The following LRMDA variants were observed in gnomAD, a reference collection of about 807,000 sequenced individuals.
The protein encoded by LRMDA is leucine rich melanocyte differentiation associated, also known as leucine-rich melanocyte differentiation-associated protein.
In LRMDA, 18 loss-of-function variants were observed where a neutral mutation model predicts 29.8. That is an observed-to-expected ratio of 0.60 (90% CI 0.42 to 0.90). The LOEUF is 0.90. Among genes scored for constraint, LRMDA ranks in the 40% least tolerant of loss-of-function variants. The pLI, the probability that LRMDA is intolerant of heterozygous loss-of-function variation, is 0.00. For synonymous variants in LRMDA, 125 were observed against 109.4 expected (o/e 1.14, Z -0.89); for missense variants, 273 against 273.9 (o/e 1.00, Z 0.02).
At chr10:75,686,318 C>T (rs189167033) in intron 2 of LRMDA, among the ~76,000 whole-genome samples, 2 of 152,172 alleles carry the variant, frequency 1.3e-5, no homozygotes, top group Non-Finnish European at 2.9e-5. Flanking sequence ...GCATTCTTTG[C>T]CTGGCCTTCT....
intron 2 of LRMDA, among the ~76,000 whole-genome samples, chr10:75,635,792 A>ATT (rs56892988): frequency 7.0e-6 from 1 of 143,610 alleles, no homozygotes. Flanking sequence ...TTTCCTTGCT[A>ATT]TTTTTTTTTT....
At chr10:75,682,309 A>C (rs1842032393) in intron 2 of LRMDA, among the ~76,000 whole-genome samples, 1 of 152,218 alleles carries the variant, frequency 6.6e-6, no homozygotes, top group Non-Finnish European at 1.5e-5. Flanking sequence ...GAATGAATGA[A>C]CAATGAATGG....
intron 5 of LRMDA, among the ~76,000 whole-genome samples, chr10:76,184,472 G>A (rs1403118399): frequency 6.6e-6 from 1 of 152,196 alleles, no homozygotes; most frequent in Non-Finnish European, 1.5e-5. Flanking sequence ...AAATGTGTCC[G>A]ACACAGCAGT....
chr10:75,474,858 C>A (rs868727299), intron 2 of LRMDA, among the ~76,000 whole-genome samples: 1 of 152,150 alleles, frequency 6.6e-6, no homozygotes, highest in African/African-American at 2.4e-5. Flanking sequence ...CCTGAAGACC[C>A]CTGCTAGTGT....
chr10:76,330,469 T>A (rs2132405999), intron 6 of LRMDA, among the ~76,000 whole-genome samples: 1 of 152,298 alleles, frequency 6.6e-6, no homozygotes, highest in South Asian at 2.1e-4. Context: ...GACAGAACCC[T>A]CTGAAATGAG....
intron 6 of LRMDA, among the ~76,000 whole-genome samples, chr10:76,327,201 C>T (rs1033447872): frequency 6.6e-6 from 1 of 151,462 alleles, no homozygotes; most frequent in Non-Finnish European, 1.5e-5. Context: ...AAGCGATTCT[C>T]CTGCCTCAGC....
chr10:76,043,431 G>A (rs1848374075), intron 3 of LRMDA, among the ~76,000 whole-genome samples: 1 of 152,100 alleles, frequency 6.6e-6, no homozygotes, highest in Non-Finnish European at 1.5e-5. Flanking sequence ...GTACCCTTAG[G>A]TGGGGATTCC....
rs1589325492 is a variant in LRMDA at position 76,097,286 on chromosome 10, C to T, written c.516+38503C>T. 2.0e-5 allele frequency among the ~76,000 whole-genome samples: 3 copies of T among 152,222 alleles called. No homozygotes were observed. In the South Asian group the frequency reaches 6.2e-4, roughly 32 times the overall value. ...TCAGCCTCCCAAAGTGCTGGGATTA[C>T]AGGCGTGAGCCACCGTGCCCGGCTT... On this transcript the variant is annotated intron_variant, in intron 5 of 6. Transcript: ENST00000611255.
intron 5 of LRMDA, among the ~76,000 whole-genome samples, chr10:76,079,599 T>A (rs1849018614): frequency 6.6e-6 from 1 of 152,028 alleles, no homozygotes; most frequent in Non-Finnish European, 1.5e-5. Context: ...CATCCCATTA[T>A]AAAAAGAAAG....
chr10:75,547,109 G>T (rs1436673404), intron 2 of LRMDA, among the ~76,000 whole-genome samples: 1 of 152,110 alleles, frequency 6.6e-6, no homozygotes, highest in African/African-American at 2.4e-5. Context: ...AGAAGAAATA[G>T]ATCATTTCAG....
At chr10:75,949,051 T>C (rs796269680) in intron 2 of LRMDA, among the ~76,000 whole-genome samples, 2 of 152,004 alleles carry the variant, frequency 1.3e-5, no homozygotes, top group Non-Finnish European at 2.9e-5. Context: ...GTTTGTATCT[T>C]GAGGGAAATG....
intron 2 of LRMDA, among the ~76,000 whole-genome samples, chr10:75,729,269 G>A (rs1258772284): frequency 1.3e-5 from 2 of 152,222 alleles, no homozygotes; most frequent in Non-Finnish European, 2.9e-5. Context: ...ACTAGGGAAA[G>A]CCAGGGAGTT....
intron 6 of LRMDA, among the ~76,000 whole-genome samples, chr10:76,404,657 G>C (rs189355485): frequency 5.8e-4 from 88 of 152,208 alleles, no homozygotes; most frequent in Middle Eastern, 3.4e-3. Flanking sequence ...TGGCTCAATC[G>C]TTTCTTTCCT....
chr10:75,585,686 A>G lies in LRMDA; in HGVS notation c.131+147192A>G, dbSNP rs555790019. On this transcript the variant is annotated intron_variant, in intron 2 of 6. Coordinates refer to ENST00000611255, the MANE Select transcript of LRMDA (RefSeq NM_001305581.2). ...CATTTTATTTTATTGTGGTAAGAAC[A>G]TTTAACATGACATCTACCCTCTTAA... Among the ~76,000 whole-genome samples, 5 of 152,352 alleles carry G rather than the reference A, an allele frequency of 3.3e-5. No homozygotes were observed. In the East Asian group the frequency reaches 9.6e-4, roughly 29 times the overall value.
At chr10:75,617,404 T>G (rs1159542636) in intron 2 of LRMDA, among the ~76,000 whole-genome samples, 1 of 152,188 alleles carries the variant, frequency 6.6e-6, no homozygotes, top group African/African-American at 2.4e-5. Flanking sequence ...TTGGGAGAAT[T>G]TGGCCAACTC....
intron 2 of LRMDA, among the ~76,000 whole-genome samples, chr10:75,796,470 A>G (rs1457910771): frequency 6.6e-6 from 1 of 152,176 alleles, no homozygotes; most frequent in African/African-American, 2.4e-5. Flanking sequence ...GGTAAAAGCA[A>G]TTTGTTGATT....
chr10:76,371,310 T>G (rs1841451561), intron 6 of LRMDA, among the ~76,000 whole-genome samples: 1 of 152,208 alleles, frequency 6.6e-6, no homozygotes, highest in South Asian at 2.1e-4. Flanking sequence ...AGTGGGGTTT[T>G]GGGTCACAAA....
rs569321310 is a variant in LRMDA at position 76,012,967 on chromosome 10, G to A, written c.132-23041G>A. Among the ~76,000 whole-genome samples, 3 of 152,302 alleles carry A rather than the reference G, an allele frequency of 2.0e-5. No homozygotes were observed. In the East Asian group the frequency reaches 5.8e-4, roughly 29 times the overall value. On this transcript the variant is annotated intron_variant, in intron 2 of 6. Transcript: ENST00000611255. ...GAAAGTGAGGGATGCCTGTGCTTCA[G>A]AGATGGAATGTATTTGTAAAAGCGA...
intron 2 of LRMDA, among the ~76,000 whole-genome samples, chr10:75,611,074 TG>T (rs568692676): frequency 5.5e-4 from 83 of 152,004 alleles, no homozygotes; most frequent in African/African-American, 1.9e-3. Flanking sequence ...CTGGAGCTGG[TG>T]GGGCACTCAG....
Sources: gnomAD v4.1 joint callset for allele counts (sites outside exome capture counted in the v4.1 genomes callset) on GRCh38, gnomAD v4.1.1 for gene constraint, MANE v1.5 for transcripts, NCBI Gene and HGNC (gene_info 2026-07-23, HGNC 2026-07-21) for gene names.